AK8: variants seen among roughly 807,000 people sequenced by gnomAD.
AK8 encodes the protein adenylate kinase 8.
In AK8, 44 loss-of-function variants were observed where a neutral mutation model predicts 54.6. The observed-to-expected ratio is 0.81, with a 90% confidence interval of 0.63 to 1.04. AK8 has a LOEUF of 1.04. Ranked by LOEUF, AK8 falls within the 50% of genes least tolerant of loss-of-function variation. AK8 has a pLI of 0.00. For synonymous variants in AK8, 239 were observed against 245.6 expected (o/e 0.97, Z 0.25); for missense variants, 555 against 613.6 (o/e 0.90, Z 1.01).
chr9:132,820,144 GAA>G (rs35984099), intron 9 of AK8, among the ~76,000 whole-genome samples: 10,935 of 72,216 alleles, frequency 0.15, 450 homozygotes, highest in African/African-American at 0.18. Context: ...AGTAAGACCC[GAA>G]AAAAAAAAAA....
At chr9:132,859,332 G>GCAGCCTCCACCTCCCAGGCT (rs1843294453) in intron 4 of AK8, among the ~76,000 whole-genome samples, 1 of 152,046 alleles carries the variant, frequency 6.6e-6, no homozygotes, top group Non-Finnish European at 1.5e-5. Context: ...ATGGCTCACT[G>GCAGCCTCCACCTCCCAGGCT]CAGCCTCCAC....
intron 9 of AK8, among the ~76,000 whole-genome samples, chr9:132,821,754 A>G (rs28630658): frequency 1.1e-5 from 1 of 86,974 alleles, no homozygotes; most frequent in Non-Finnish European, 2.3e-5. Flanking sequence ...TGTATATACA[A>G]ATATATACAT....
chr9:132,846,437 G>A (rs1609596), intron 5 of AK8, among the ~76,000 whole-genome samples: 14,672 of 152,258 alleles, frequency 0.096, 904 homozygotes, highest in African/African-American at 0.15. Context: ...AGAGCAAGAC[G>A]TTTAACTCTC....
chr9:132,877,539 G>C (rs541601822), intron 1 of AK8, among the ~76,000 whole-genome samples: 106 of 152,304 alleles, frequency 7.0e-4, no homozygotes, highest in Non-Finnish European at 1.2e-3. Flanking sequence ...GTGCAAAAGG[G>C]AAAACTGGGG....
rs544167317 is a variant in AK8 at position 132,865,015 on chromosome 9, T to C, written c.220-1237A>G. ...GGAGTGTGTTCTAACTACTAGTTTT[T>C]TGGGGCTCTGCTCCAGGAGATTCTG... On this transcript the variant is annotated intron_variant, in intron 3 of 12. Coordinates refer to ENST00000298545, the MANE Select transcript of AK8 (RefSeq NM_152572.3). Among the ~76,000 whole-genome samples the C allele has an allele frequency of 9.8e-5, 15 of 152,318 alleles. 1 individual carries two copies. The highest frequency in any genetic ancestry group is 3.1e-4 in the African/African-American group (13 of 41,570).
At chr9:132,767,448 GA>G (rs200720814) in intron 11 of AK8, among the ~76,000 whole-genome samples, 17 of 147,524 alleles carry the variant, frequency 1.2e-4, no homozygotes, top group East Asian at 3.9e-4. Context: ...AGCAAAAATT[GA>G]AAAAAAAAAG....
At chr9:132,738,752 C>CT (rs754082140) in intron 11 of AK8, among the ~76,000 whole-genome samples, 79,800 of 120,746 alleles carry the variant, frequency 0.66, 27,498 homozygotes, top group South Asian at 0.8. Flanking sequence ...ATGTTCATGA[C>CT]TTTTTTTTTT....
At chr9:132,766,041 C>A (rs1241198317) in intron 11 of AK8, among the ~76,000 whole-genome samples, 7 of 152,146 alleles carry the variant, frequency 4.6e-5, no homozygotes, top group Non-Finnish European at 7.3e-5. Context: ...TTTCTATACA[C>A]CAAGAATAAA....
intron 11 of AK8, among the ~76,000 whole-genome samples, chr9:132,766,721 G>A (rs1838738922): frequency 6.6e-6 from 1 of 151,998 alleles, no homozygotes; most frequent in Non-Finnish European, 1.5e-5. Flanking sequence ...AAAGCTGGAG[G>A]CATCAAATAT....
intron 11 of AK8, among the ~76,000 whole-genome samples, chr9:132,745,817 G>A (rs1837623044): frequency 6.6e-6 from 1 of 152,128 alleles, no homozygotes; most frequent in Non-Finnish European, 1.5e-5. Flanking sequence ...TCCGTACAAG[G>A]TGGCCACCAG....
rs1394493718 is a variant in AK8 at position 132,823,208 on chromosome 9, T to C, written c.886A>G (p.Asn296Asp). The C allele has an allele frequency of 1.9e-6, 3 of 1,575,360 alleles. No individual in the cohort carries two copies. The highest frequency in any genetic ancestry group is 1.8e-5 in the Admixed American group (1 of 54,650). Residue 296 changes from asparagine (N) to aspartate (D), a missense_variant, in exon 9 of 13, where the codon AAT (asparagine) becomes GAT (aspartate). By Grantham distance (23) the Asn-to-Asp change is conservative. Coordinates refer to ENST00000298545, the MANE Select transcript of AK8 (RefSeq NM_152572.3). ...GCCCAGCACCTGGGGCACTCACCAT[T>C]GACAAGCCTGTATTTCTGGGCCAGG... ...ALLAQKYRLVNVCCGQLLKEA... is the reference protein window; with the variant it reads ...ALLAQKYRLVDVCCGQLLKEA...
intron 5 of AK8, among the ~76,000 whole-genome samples, 171 bp downstream of exon 5, chr9:132,854,686 T>G (rs1843107167): frequency 2.6e-5 from 4 of 152,326 alleles, no homozygotes; most frequent in South Asian, 4.1e-4. Flanking sequence ...CTGTTCCTTT[T>G]CCTTTGACAA....
intron 7 of AK8, chr9:132,827,766 C>CA: frequency 2.0e-6 from 1 of 510,060 alleles, no homozygotes; most frequent in Non-Finnish European, 3.5e-6. Flanking sequence ...CATGACCCCC[C>CA]ACACTCTATT....
chr9:132,736,621 T>G lies in AK8; in HGVS notation c.1122-9087A>C, dbSNP rs562983944. 2.5e-3 allele frequency among the ~76,000 whole-genome samples: 377 copies of G among 151,136 alleles called. 1 individual carries two copies. Among genetic ancestry groups the G allele is most frequent in the Middle Eastern group, 0.01 (3 of 294 alleles). On this transcript the variant is annotated intron_variant, in intron 11 of 12. Transcript: ENST00000298545. The stretch of plus-strand genomic sequence containing the variant: ...GACCACAGTGAAACCCCGTCTCTAC[T>G]AAAAATACAAAACATTAGCCAGGCA...
chr9:132,734,356 C>T (rs1041813440), intron 11 of AK8, among the ~76,000 whole-genome samples: 16 of 152,134 alleles, frequency 1.1e-4, no homozygotes, highest in African/African-American at 3.4e-4. Flanking sequence ...CTGAAGCCAA[C>T]AAGAGCTTTG....
chr9:132,783,031 G>A (rs1026019467), intron 11 of AK8, among the ~76,000 whole-genome samples: 3 of 152,230 alleles, frequency 2.0e-5, no homozygotes, highest in Non-Finnish European at 4.4e-5. Flanking sequence ...CCCAGATTCT[G>A]TGAATAGGTT....
At chr9:132,812,548 G>GTGAGCCGCCGCGCCCACTGGGATGACGGA (rs1564415143) in intron 10 of AK8, among the ~76,000 whole-genome samples, 5 of 152,242 alleles carry the variant, frequency 3.3e-5, no homozygotes, top group Non-Finnish European at 7.3e-5. Context: ...GGGATGACGG[G>GTGAGCCGCCGCGCCCACTGGGATGACGGA]TGAGCCGCCG....
chr9:132,830,822 T>C (rs1842075483), intron 5 of AK8, among the ~76,000 whole-genome samples: 1 of 152,242 alleles, frequency 6.6e-6, no homozygotes, highest in Non-Finnish European at 1.5e-5. Context: ...ATTCTGGCAT[T>C]GTGTGGATGC....
At chr9:132,764,747 T>A (rs1050238224) in intron 11 of AK8, among the ~76,000 whole-genome samples, 1 of 152,234 alleles carries the variant, frequency 6.6e-6, no homozygotes, top group African/African-American at 2.4e-5. Context: ...AAAGAAGAGC[T>A]AACTGATAGT....
Sources: allele counts gnomAD v4.1 joint callset (sites outside exome capture counted in the v4.1 genomes callset), GRCh38; gene constraint gnomAD v4.1.1; transcripts MANE v1.5; gene names NCBI Gene and HGNC (gene_info 2026-07-23, HGNC 2026-07-21).